The following UBE2E1 variants were observed in gnomAD, a reference collection of about 807,000 sequenced individuals.
UBE2E1 encodes ubiquitin-conjugating enzyme E2 E1.
In UBE2E1, 6 loss-of-function variants were observed where a neutral mutation model predicts 21.4. The ratio of observed to expected loss-of-function variants is 0.28; its 90% CI spans 0.15 to 0.55. UBE2E1 has a LOEUF of 0.55. UBE2E1 is among the 20% of genes least tolerant of loss of function. UBE2E1 has a pLI of 0.93. For missense variants in UBE2E1, 142 were observed against 236.5 expected (o/e 0.60, Z 2.62); for synonymous variants, 87 against 82.7 (o/e 1.05, Z -0.28).
At chr3:23,825,481 G>A (rs1446703950) in intron 3 of UBE2E1, among the ~76,000 whole-genome samples, 4 of 152,164 alleles carry the variant, frequency 2.6e-5, no homozygotes, top group Non-Finnish European at 5.9e-5. Flanking sequence ...TGTGCTCATG[G>A]AGATTTTATT....
chr3:23,817,070 A>G (rs1427806928), intron 3 of UBE2E1, among the ~76,000 whole-genome samples: 1 of 152,238 alleles, frequency 6.6e-6, no homozygotes, highest in Non-Finnish European at 1.5e-5. Flanking sequence ...AAAAATGCTT[A>G]TAGCTTAGAA....
chr3:23,858,019 A>C (rs1057515038), intron 3 of UBE2E1, among the ~76,000 whole-genome samples: 1 of 151,964 alleles, frequency 6.6e-6, no homozygotes, highest in Non-Finnish European at 1.5e-5. Context: ...ATGGGGTTTC[A>C]CCATATTGGC....
intron 3 of UBE2E1, among the ~76,000 whole-genome samples, chr3:23,886,112 G>A (rs937230761): frequency 6.6e-6 from 1 of 151,954 alleles, no homozygotes; most frequent in Admixed American, 6.6e-5. Flanking sequence ...AAGGTGGGAG[G>A]ATCACTTGAG....
intron 3 of UBE2E1, chr3:23,866,533 G>C (rs1700661596): frequency 6.6e-6 from 1 of 152,128 alleles, no homozygotes; most frequent in Non-Finnish European, 1.5e-5. Flanking sequence ...GGGGAAAAAA[G>C]AATTGTGCAT....
intron 3 of UBE2E1, among the ~76,000 whole-genome samples, chr3:23,849,758 T>G (rs1280690446): frequency 6.6e-6 from 1 of 152,184 alleles, no homozygotes; most frequent in African/African-American, 2.4e-5. Context: ...AGTCTATCAT[T>G]GATGGGAATT....
chr3:23,884,061 C>T (rs1701119348), intron 3 of UBE2E1, among the ~76,000 whole-genome samples: 1 of 152,168 alleles, frequency 6.6e-6, no homozygotes, highest in Admixed American at 6.5e-5. Context: ...GATATTATTT[C>T]ACTTAGCATT....
At chr3:23,861,256 T>C (rs1700548550) in intron 3 of UBE2E1, among the ~76,000 whole-genome samples, 1 of 152,250 alleles carries the variant, frequency 6.6e-6, no homozygotes. Flanking sequence ...TCCAGGTTGT[T>C]AGACCTCCTA....
In UBE2E1 at chr3:23,845,561, T is replaced by TTCTCTCTCTCTCTCTCTCTCTCTC. The variant is rs144798695; in HGVS notation, c.203+34057_203+34080dup. ...TTGTCCATCTCCCCACTGTTTTGGT[T>TTCTCTCTCTCTCTCTCTCTCTCTC]TCTCTCTCTCTCTCTCTCTCTCTCT... On this transcript the variant is annotated intron_variant, in intron 3 of 5. Coordinates refer to ENST00000306627, the MANE Select transcript of UBE2E1 (RefSeq NM_003341.5). Among the ~76,000 whole-genome samples, 6 of 137,014 alleles carry TTCTCTCTCTCTCTCTCTCTCTCTC rather than the reference T, an allele frequency of 4.4e-5. No homozygotes were observed. The East Asian group carries it at 1.3e-3, about 29-fold the overall frequency. 89.9% of individuals were successfully genotyped at this position (137,014 alleles called of 152,430 possible).
At chr3:23,881,610 C>A (rs1238370171) in intron 3 of UBE2E1, among the ~76,000 whole-genome samples, 1 of 152,154 alleles carries the variant, frequency 6.6e-6, no homozygotes. Context: ...TGAGATGACC[C>A]AGTTTAGAGA....
chr3:23,882,151 T>C (rs1441410008), intron 3 of UBE2E1, among the ~76,000 whole-genome samples: 1 of 152,202 alleles, frequency 6.6e-6, no homozygotes, highest in Non-Finnish European at 1.5e-5. Context: ...CACTGCTGGC[T>C]CTGGCAGCCT....
chr3:23,881,032 A>G (rs1701026788), intron 3 of UBE2E1, among the ~76,000 whole-genome samples: 1 of 152,220 alleles, frequency 6.6e-6, no homozygotes, highest in Admixed American at 6.5e-5. Flanking sequence ...AGTGGTCATT[A>G]GGGGGAAAAT....
intron 3 of UBE2E1, among the ~76,000 whole-genome samples, chr3:23,858,957 C>T (rs111650162): frequency 2.0e-5 from 3 of 152,166 alleles, no homozygotes; most frequent in Non-Finnish European, 4.4e-5. Flanking sequence ...TCAAATACCT[C>T]GTATTTTAAT....
intron 3 of UBE2E1, among the ~76,000 whole-genome samples, chr3:23,814,931 G>C (rs1209934048): frequency 6.6e-6 from 1 of 152,188 alleles, no homozygotes; most frequent in African/African-American, 2.4e-5. Context: ...AGGATAAAAT[G>C]TCTGAAAAGT....
At chr3:23,879,677 G>C (rs185830314) in intron 3 of UBE2E1, among the ~76,000 whole-genome samples, 1 of 152,232 alleles carries the variant, frequency 6.6e-6, no homozygotes, top group Non-Finnish European at 1.5e-5. Context: ...GGCCTGGGCC[G>C]CGGCGGAGGA....
chr3:23,888,729 C>T (rs1701262821), intron 4 of UBE2E1, among the ~76,000 whole-genome samples: 2 of 152,300 alleles, frequency 1.3e-5, no homozygotes, highest in South Asian at 4.1e-4. Context: ...CATTATGTTG[C>T]ACTTCAGTTT....
At chr3:23,827,946 C>T (rs548591254) in intron 3 of UBE2E1, among the ~76,000 whole-genome samples, 1 of 152,166 alleles carries the variant, frequency 6.6e-6, no homozygotes, top group East Asian at 1.9e-4. Flanking sequence ...TTTCAGTATG[C>T]CCCCTAGGAT....
intron 3 of UBE2E1, among the ~76,000 whole-genome samples, chr3:23,864,668 C>G (rs773472285): frequency 6.6e-6 from 1 of 152,106 alleles, no homozygotes; most frequent in Non-Finnish European, 1.5e-5. Context: ...TTTTGAAATT[C>G]TCCCTATAAT....
At chr3:23,868,105 C>A (rs1157210678) in intron 3 of UBE2E1, among the ~76,000 whole-genome samples, 1 of 152,132 alleles carries the variant, frequency 6.6e-6, no homozygotes, top group Non-Finnish European at 1.5e-5. Context: ...AAAAGATCTC[C>A]CCTCAGTTCC....
intron 3 of UBE2E1, among the ~76,000 whole-genome samples, chr3:23,847,717 G>T (rs1474474804): frequency 6.6e-6 from 1 of 151,774 alleles, no homozygotes; most frequent in Non-Finnish European, 1.5e-5. Flanking sequence ...GGATGGTCTC[G>T]ATCTTCTGAC....
Sources: gnomAD v4.1 joint callset for allele counts (sites outside exome capture counted in the v4.1 genomes callset) on GRCh38, gnomAD v4.1.1 for gene constraint, MANE v1.5 for transcripts, NCBI Gene and HGNC (gene_info 2026-07-23, HGNC 2026-07-21) for gene names.